CPQ: variants seen among roughly 807,000 people sequenced by gnomAD.
CPQ encodes carboxypeptidase Q, also known as Ser-Met dipeptidase.
A neutral mutation model predicts 45.7 loss-of-function variants in CPQ; 37 were observed. That is an observed-to-expected ratio of 0.81 (90% CI 0.62 to 1.07). The LOEUF is 1.07. CPQ is among the 50% of genes least tolerant of loss of function. CPQ has a pLI of 0.00. For synonymous variants in CPQ, 186 were observed against 205.8 expected (o/e 0.90, Z 0.82); for missense variants, 537 against 572.9 (o/e 0.94, Z 0.64).
intron 1 of CPQ, among the ~76,000 whole-genome samples, chr8:96,708,727 C>T (rs187716400): frequency 6.6e-6 from 1 of 152,182 alleles, no homozygotes; most frequent in East Asian, 1.9e-4. Context: ...CATCCTATCA[C>T]CTAGCCTTTA....
chr8:97,142,046 C>T (rs1812174619), intron 7 of CPQ, among the ~76,000 whole-genome samples: 1 of 152,146 alleles, frequency 6.6e-6, no homozygotes, highest in Admixed American at 6.5e-5. Flanking sequence ...AAAAGATCTG[C>T]AGTGGGCAGG....
chr8:96,647,618 T>C (rs1348537280), intron 1 of CPQ, among the ~76,000 whole-genome samples: 1 of 152,194 alleles, frequency 6.6e-6, no homozygotes, highest in South Asian at 2.1e-4. Flanking sequence ...CTTTGAAGAA[T>C]GTGGTCTCTG....
intron 6 of CPQ, among the ~76,000 whole-genome samples, chr8:97,046,793 A>G (rs962661723): frequency 6.6e-6 from 1 of 152,156 alleles, no homozygotes; most frequent in Non-Finnish European, 1.5e-5. Context: ...TTCCCCTCCA[A>G]AGCTCTGGAA....
chr8:97,112,325 G>C (rs761632481), intron 7 of CPQ, among the ~76,000 whole-genome samples: 5 of 152,060 alleles, frequency 3.3e-5, no homozygotes, highest in Non-Finnish European at 5.9e-5. Flanking sequence ...AAAAGTACAA[G>C]GACTGTGGGC....
intron 3 of CPQ, among the ~76,000 whole-genome samples, chr8:96,837,555 C>G (rs1811546519): frequency 1.3e-5 from 2 of 152,116 alleles, no homozygotes; most frequent in African/African-American, 4.8e-5. Flanking sequence ...CCCTATATCT[C>G]TGGCTTCTCA....
intron 3 of CPQ, among the ~76,000 whole-genome samples, chr8:96,850,589 TTTATTTA>T (rs1246087416): frequency 6.0e-5 from 7 of 116,136 alleles, no homozygotes; most frequent in Non-Finnish European, 1.2e-4. Context: ...TTTTATTTTA[TTTATTTA>T]TTTATTTATT....
chr8:96,935,058 T>C (rs2130921316), intron 4 of CPQ, among the ~76,000 whole-genome samples: 1 of 152,342 alleles, frequency 6.6e-6, no homozygotes, highest in East Asian at 1.9e-4. Flanking sequence ...GGGAAGTTAT[T>C]GGCTTGTGTA....
chr8:96,759,438 T>A (rs1212532901), intron 1 of CPQ, among the ~76,000 whole-genome samples: 3 of 152,156 alleles, frequency 2.0e-5, no homozygotes, highest in African/African-American at 7.2e-5. Flanking sequence ...GATTATTATA[T>A]ATATTTTTGT....
chr8:96,713,571 A>G (rs1809640379), intron 1 of CPQ, among the ~76,000 whole-genome samples: 1 of 152,212 alleles, frequency 6.6e-6, no homozygotes, highest in Non-Finnish European at 1.5e-5. Flanking sequence ...GAAAACCATC[A>G]GATCTTGTGA....
At chr8:96,694,136 A>T (rs1809340332) in intron 1 of CPQ, among the ~76,000 whole-genome samples, 1 of 152,200 alleles carries the variant, frequency 6.6e-6, no homozygotes, top group South Asian at 2.1e-4. Context: ...AAAAGCAAAA[A>T]ATTAAAACAT....
chr8:96,947,713 T>C (rs751437551), intron 4 of CPQ, among the ~76,000 whole-genome samples: 8 of 152,166 alleles, frequency 5.3e-5, no homozygotes, highest in Admixed American at 1.3e-4. Context: ...CCTTTCTCTT[T>C]TCTCCTTAAT....
chr8:96,962,023 C>T (rs1414136708), intron 4 of CPQ, among the ~76,000 whole-genome samples: 3 of 152,138 alleles, frequency 2.0e-5, no homozygotes, highest in Non-Finnish European at 4.4e-5. Context: ...TGATTTCGTC[C>T]ATCTCCACTC....
At chr8:96,873,571 TA>T (rs1276286004) in intron 3 of CPQ, among the ~76,000 whole-genome samples, 6 of 151,758 alleles carry the variant, frequency 4.0e-5, no homozygotes, top group Non-Finnish European at 8.9e-5. Flanking sequence ...TTAAATCAAA[TA>T]AGCTTTTCTA....
intron 5 of CPQ, among the ~76,000 whole-genome samples, chr8:97,014,459 T>C (rs1359762543): frequency 6.6e-6 from 1 of 151,966 alleles, no homozygotes; most frequent in Non-Finnish European, 1.5e-5. Context: ...AAGACAAGCC[T>C]GGCAAACATG....
chr8:96,679,548 C>A (rs913774764), intron 1 of CPQ, among the ~76,000 whole-genome samples: 6 of 152,006 alleles, frequency 3.9e-5, no homozygotes, highest in African/African-American at 1.4e-4. Context: ...AAGCCATCTG[C>A]TCCTGGTCTT....
chr8:97,051,051 GA>G (rs1194623930), intron 6 of CPQ, among the ~76,000 whole-genome samples: 3 of 152,108 alleles, frequency 2.0e-5, no homozygotes, highest in Admixed American at 6.6e-5. Context: ...TTATGTGACA[GA>G]ACCAGTACTC....
intron 3 of CPQ, among the ~76,000 whole-genome samples, chr8:96,863,016 C>T (rs981317457): frequency 2.0e-5 from 3 of 152,190 alleles, no homozygotes; most frequent in Admixed American, 6.5e-5. Context: ...CATCCCTTGA[C>T]TAAATTTCAC....
At chr8:96,849,962 A>C (rs1443314484) in intron 3 of CPQ, among the ~76,000 whole-genome samples, 1 of 152,212 alleles carries the variant, frequency 6.6e-6, no homozygotes, top group Non-Finnish European at 1.5e-5. Context: ...AAGAACAAGG[A>C]CACATTATTT....
intron 4 of CPQ, among the ~76,000 whole-genome samples, chr8:96,964,143 C>T (rs1813512941): frequency 7.0e-6 from 1 of 142,840 alleles, no homozygotes; most frequent in South Asian, 2.2e-4. Flanking sequence ...CTGTTATGAA[C>T]ATTCCAGTAC....
Sources: gnomAD v4.1 joint callset for allele counts (sites outside exome capture counted in the v4.1 genomes callset) on GRCh38, gnomAD v4.1.1 for gene constraint, MANE v1.5 for transcripts, NCBI Gene and HGNC (gene_info 2026-07-23, HGNC 2026-07-21) for gene names.